RNF144A: variants seen among roughly 807,000 people sequenced by gnomAD.
RNF144A encodes ring finger protein 144A.
A neutral mutation model predicts 38.7 loss-of-function variants in RNF144A; 11 were observed. That is an observed-to-expected ratio of 0.28 (90% CI 0.18 to 0.47). The LOEUF (loss-of-function observed/expected upper bound fraction) is 0.47. RNF144A is among the 20% of genes least tolerant of loss of function. RNF144A has a pLI of 0.99. For synonymous variants in RNF144A, 149 were observed against 143.9 expected (o/e 1.04, Z -0.25); for missense variants, 316 against 377.2 (o/e 0.84, Z 1.34).
intron 2 of RNF144A, among the ~76,000 whole-genome samples, chr2:6,973,150 T>A (rs1668097684): frequency 6.6e-6 from 1 of 152,248 alleles, no homozygotes; most frequent in African/African-American, 2.4e-5. Flanking sequence ...GGTGCCTTAG[T>A]AACTGGAGCT....
chr2:7,007,038 C>T (rs553987579), intron 3 of RNF144A, among the ~76,000 whole-genome samples: 3 of 152,076 alleles, frequency 2.0e-5, no homozygotes, highest in African/African-American at 7.2e-5. Context: ...CTTCCCACCC[C>T]CTCAGAACCC....
downstream of RNF144A, among the ~76,000 whole-genome samples, chr2:7,045,780 C>T (rs552377911): frequency 7.9e-5 from 12 of 152,094 alleles, no homozygotes; most frequent in African/African-American, 1.7e-4. Flanking sequence ...AGAAGGTGGA[C>T]GGGTACAGCA....
rs182447761 is a variant in RNF144A at position 7,065,392 on chromosome 2, T to G, written c.735-2824T>G. 2.7e-4 allele frequency among the ~76,000 whole-genome samples: 41 copies of G among 152,320 alleles called. No individual in the cohort carries two copies. The East Asian group carries it at 6.7e-3, about 25-fold the overall frequency. On this transcript the variant is annotated intron_variant, in intron 6 of 6. Transcript: ENST00000432850. The stretch of plus-strand genomic sequence containing the variant: ...TTGACCATGGCGGATAGGGAGATTT[T>G]AGAGAGGCAGGTTCCTCAAAAGTGG...
In RNF144A at chr2:6,970,252, C is replaced by T. The variant is rs548963994; in HGVS notation, c.-11-26664C>T. On this transcript the variant is annotated intron_variant, in intron 2 of 8. Coordinates refer to ENST00000320892, the MANE Select transcript of RNF144A (RefSeq NM_014746.6). ...GTGGAAGATGATTGAATCATGGGGGCGGGTCTTTCCCATGCTGTTATCGTG... is the reference window on the plus strand; with the variant it reads ...GTGGAAGATGATTGAATCATGGGGGTGGGTCTTTCCCATGCTGTTATCGTG... Among the ~76,000 whole-genome samples, 24 of 152,160 alleles carry T rather than the reference C, an allele frequency of 1.6e-4. No homozygotes were observed. In the East Asian group the frequency reaches 2.1e-3, roughly 14 times the overall value.
At chr2:7,004,013 A>C (rs553422812) in intron 3 of RNF144A, among the ~76,000 whole-genome samples, 6 of 152,370 alleles carry the variant, frequency 3.9e-5, no homozygotes, top group Non-Finnish European at 7.3e-5. Context: ...ACCTTGGGCA[A>C]GTCCTTTAAC....
chr2:6,981,522 C>T (rs1572329346), intron 2 of RNF144A, among the ~76,000 whole-genome samples: 1 of 152,238 alleles, frequency 6.6e-6, no homozygotes, highest in African/African-American at 2.4e-5. Context: ...GGGAAAATGC[C>T]ACCAGTCTCT....
intron 2 of RNF144A, among the ~76,000 whole-genome samples, chr2:6,963,160 G>A (rs1667448221): frequency 1.3e-5 from 2 of 152,128 alleles, no homozygotes; most frequent in South Asian, 4.2e-4. Flanking sequence ...AGGAACATAG[G>A]TAACATCAGG....
chr2:7,015,158 AG>A (rs2103420303), intron 5 of RNF144A, among the ~76,000 whole-genome samples: 1 of 152,222 alleles, frequency 6.6e-6, no homozygotes, highest in Admixed American at 6.5e-5. Context: ...GGAAGTCGTG[AG>A]GGTAGGCATA....
chr2:6,931,058 C>G (rs941441962), intron 1 of RNF144A, among the ~76,000 whole-genome samples: 1 of 152,238 alleles, frequency 6.6e-6, no homozygotes, highest in African/African-American at 2.4e-5. Flanking sequence ...CCCAGGCTGA[C>G]CTGATACCAT....
At position 7,014,707 on chromosome 2, in the gene RNF144A, C is replaced by A; in HGVS notation, c.241-5C>A. 6.2e-7 allele frequency: 1 copy of A among 1,608,950 alleles called. No individual in the cohort carries two copies. Among genetic ancestry groups the A allele is most frequent in the South Asian group, 1.1e-5 (1 of 90,600 alleles). On this transcript the variant is annotated splice_polypyrimidine_tract_variant and splice_region_variant and intron_variant, in intron 4 of 8. Coordinates refer to ENST00000320892, the MANE Select transcript of RNF144A (RefSeq NM_014746.6). ...CATTCCTGTTTGCATTTTTTTTTCC[C>A]TTAGATTGAGTGCATGGTTGCAGCT... is the stretch of plus-strand genomic sequence containing the variant.
At chr2:6,957,151 A>C (rs73157873) in intron 2 of RNF144A, among the ~76,000 whole-genome samples, 9,010 of 152,230 alleles carry the variant, frequency 0.059, 530 homozygotes, top group East Asian at 0.29. Flanking sequence ...CAGTGTCTGC[A>C]GGAAGCTCTT....
Position 7,020,606 on chromosome 2 carries a change from CT to C in RNF144A, c.436del (p.Cys146AlafsTer56). On this transcript the variant is annotated frameshift_variant, in exon 6 of 9. Coordinates refer to ENST00000320892, the MANE Select transcript of RNF144A (RefSeq NM_014746.6). LOFTEE classifies it high-confidence loss of function. ...CCTGCCGTATGGAATTCTGCTCCAC[CT>C]GCAAAGCCAGCTGGCACCCTGGCCA... ...KACRMEFCSTCKASWHPGQGC... is the reference protein window; with the variant it reads ...KACRMEFCSTXKASWHPGQGC... 1.9e-6 allele frequency: 3 copies of C among 1,611,384 alleles called. No individual in the cohort carries two copies. The South Asian group carries it at 3.3e-5, about 18-fold the overall frequency.
chr2:6,931,504 A>C (rs1012419776), intron 1 of RNF144A, among the ~76,000 whole-genome samples: 6 of 152,240 alleles, frequency 3.9e-5, no homozygotes, highest in Non-Finnish European at 1.5e-5. Context: ...GGAGAACTTC[A>C]TTGGCTCATA....
At chr2:7,058,963 G>A (rs1039372526) in intron 6 of RNF144A, among the ~76,000 whole-genome samples, 4 of 152,004 alleles carry the variant, frequency 2.6e-5, no homozygotes, top group Non-Finnish European at 5.9e-5. Context: ...TATGTATAGC[G>A]GGTCTATCTA....
At chr2:7,003,207 A>G (rs1214681604) in intron 3 of RNF144A, among the ~76,000 whole-genome samples, 1 of 152,206 alleles carries the variant, frequency 6.6e-6, no homozygotes. Flanking sequence ...AAAAAGTTAC[A>G]GGAAGCTAAG....
intron 1 of RNF144A, among the ~76,000 whole-genome samples, chr2:6,918,101 G>C (rs929098596): frequency 7.2e-5 from 11 of 152,136 alleles, no homozygotes; most frequent in African/African-American, 2.7e-4. Context: ...GGAGGTCTGG[G>C]AAAGGACGAC....
exon 7 of RNF144A, chr2:7,068,246 C>T (rs1674313607): frequency 1.5e-6 from 2 of 1,302,264 alleles, no homozygotes; most frequent in Non-Finnish European, 1.0e-6. Context: ...ATGCATTCTC[C>T]ATAATACTGA....
rs1290790140 is a variant in RNF144A, at chr2:6,944,992, G to C, written c.-12+3845G>C. Among the ~76,000 whole-genome samples the C allele has an allele frequency of 6.6e-6, 1 of 152,182 alleles. No individual in the cohort carries two copies. Among genetic ancestry groups the C allele is most frequent in the East Asian group, 1.9e-4 (1 of 5,192 alleles). ...TTGAAGTAGCTAATTTTGAAATACA[G>C]GTTTTTGTTCTGTTTTGTTTTGTTT... On this transcript the variant is annotated intron_variant, in intron 2 of 8. Coordinates refer to ENST00000320892, the MANE Select transcript of RNF144A (RefSeq NM_014746.6). This position sits in a 1 kb window ranked among gnomAD's most constrained non-coding sequence, Gnocchi z 4.7.
At chr2:6,949,312 A>G (rs1666530270) in intron 2 of RNF144A, among the ~76,000 whole-genome samples, 1 of 152,082 alleles carries the variant, frequency 6.6e-6, no homozygotes, top group Admixed American at 6.5e-5. Flanking sequence ...GGATGGGGAA[A>G]AAAAAATCAC....
Sources: allele counts gnomAD v4.1 joint callset (sites outside exome capture counted in the v4.1 genomes callset), GRCh38; gene constraint gnomAD v4.1.1; non-coding constraint Gnocchi (gnomAD v3.1); transcripts MANE v1.5; gene names NCBI Gene and HGNC (gene_info 2026-07-23, HGNC 2026-07-21).